The following CSMD1 variants were observed in gnomAD, a reference collection of about 807,000 sequenced individuals.
The protein encoded by CSMD1 is CUB and sushi domain-containing protein 1.
CSMD1 carries 213 observed loss-of-function variants against 417.5 expected under a neutral mutation model. The observed-to-expected ratio is 0.51, with a 90% CI of 0.46 to 0.57. The LOEUF is 0.57. CSMD1 is among the 20% of genes least tolerant of loss of function. CSMD1 has a pLI of 0.00. For synonymous variants in CSMD1, 2,862 were observed against 1,736.8 expected, an observed-to-expected ratio of 1.65 and a Z score of -16.11; for missense variants, 6,923 against 4,529.7, an observed-to-expected ratio of 1.53 and a Z score of -15.17.
chr8:4,304,329 T>C (rs745982899), intron 3 of CSMD1, among the ~76,000 whole-genome samples: 8 of 152,200 alleles, frequency 5.3e-5, no homozygotes, highest in Admixed American at 2.6e-4. Flanking sequence ...ATTTTGTATG[T>C]CAAACTGATG....
Position 4,868,590 on chromosome 8 carries a change from G to A in CSMD1, c.85+125742C>T, listed in dbSNP as rs188478859. ...ATTAAAAAACCAATCATTTTCATTC[G>A]TCTAAATTGAGGCATAATGAACAAG... On this transcript the variant is annotated intron_variant, in intron 1 of 69. Coordinates refer to ENST00000635120, the MANE Select transcript of CSMD1 (RefSeq NM_033225.6). Among the ~76,000 whole-genome samples, 147 of 152,010 alleles carry A rather than the reference G, an allele frequency of 9.7e-4. 1 individual carries two copies. Among genetic ancestry groups the A allele is most frequent in the Admixed American group, 6.3e-3 (96 of 15,268 alleles).
At chr8:3,329,822 T>A (rs1295909387) in intron 23 of CSMD1, among the ~76,000 whole-genome samples, 1 of 152,212 alleles carries the variant, frequency 6.6e-6, no homozygotes, top group East Asian at 1.9e-4. Context: ...TGCTAGGGGC[T>A]AACTTACTTG....
At chr8:4,351,210 C>A (rs184315990) in intron 3 of CSMD1, among the ~76,000 whole-genome samples, 1 of 151,924 alleles carries the variant, frequency 6.6e-6, no homozygotes, top group Non-Finnish European at 1.5e-5. Flanking sequence ...ATAAAATGTA[C>A]CAAGTTTCAC....
chr8:3,051,508 T>C (rs552391324), intron 50 of CSMD1, among the ~76,000 whole-genome samples: 45 of 152,302 alleles, frequency 3.0e-4, no homozygotes, highest in Admixed American at 9.2e-4. Flanking sequence ...GGTTATTACC[T>C]GGCTGAGGAA....
At chr8:4,138,291 G>A (rs987083842) in intron 3 of CSMD1, among the ~76,000 whole-genome samples, 2 of 149,802 alleles carry the variant, frequency 1.3e-5, no homozygotes, top group African/African-American at 4.9e-5. Flanking sequence ...GCAAGATGCA[G>A]GTTTCAGAAT....
At chr8:3,440,142 T>C (rs1203256909) in intron 12 of CSMD1, among the ~76,000 whole-genome samples, 1 of 152,230 alleles carries the variant, frequency 6.6e-6, no homozygotes, top group African/African-American at 2.4e-5. Flanking sequence ...CCAGTTCCTC[T>C]ACATTTTCAT....
intron 9 of CSMD1, 102 bp from the exon 10 acceptor site, chr8:3,575,168 A>C: frequency 4.0e-6 from 4 of 1,006,934 alleles, no homozygotes; most frequent in Admixed American, 4.2e-5. Context: ...ATCTAATCAC[A>C]GTAAAAAAAA....
intron 7 of CSMD1, among the ~76,000 whole-genome samples, chr8:3,696,051 G>C (rs184218712): frequency 1.6e-4 from 25 of 152,148 alleles, no homozygotes; most frequent in Middle Eastern, 3.4e-3. Context: ...GCAAAAAAAA[G>C]CTGTTAAGAT....
At chr8:4,893,072 C>G (rs1292151837) in intron 1 of CSMD1, among the ~76,000 whole-genome samples, 1 of 152,096 alleles carries the variant, frequency 6.6e-6, no homozygotes, top group Non-Finnish European at 1.5e-5. Context: ...TGTCGATTAT[C>G]CCCTCCAGGG....
At chr8:4,757,954 T>A (rs1421146602) in intron 1 of CSMD1, among the ~76,000 whole-genome samples, 4 of 135,808 alleles carry the variant, frequency 2.9e-5, no homozygotes. Flanking sequence ...AGAGAGACTT[T>A]GTCTCAAAAA....
intron 1 of CSMD1, among the ~76,000 whole-genome samples, chr8:4,700,333 T>C (rs1363139237): frequency 2.0e-5 from 3 of 152,074 alleles, no homozygotes; most frequent in Admixed American, 1.3e-4. Context: ...ATCATTAATC[T>C]ATTATTTATA....
chr8:3,081,701 A>G (rs1814112275), intron 49 of CSMD1, among the ~76,000 whole-genome samples: 1 of 152,216 alleles, frequency 6.6e-6, no homozygotes, highest in Non-Finnish European at 1.5e-5. Context: ...AGAGCTGCCT[A>G]GTTTGAAATT....
At chr8:3,956,550 T>C (rs1053575768) in intron 5 of CSMD1, among the ~76,000 whole-genome samples, 1 of 152,222 alleles carries the variant, frequency 6.6e-6, no homozygotes, top group Non-Finnish European at 1.5e-5. Flanking sequence ...CTACTTTTTA[T>C]CAAATACTTA....
intron 12 of CSMD1, among the ~76,000 whole-genome samples, chr8:3,451,042 G>C (rs992902073): frequency 6.6e-6 from 1 of 152,186 alleles, no homozygotes. Flanking sequence ...TTGTGGTTTT[G>C]ATTTGCATTT....
intron 7 of CSMD1, among the ~76,000 whole-genome samples, chr8:3,702,762 G>A (rs1015109084): frequency 7.2e-5 from 11 of 152,208 alleles, no homozygotes; most frequent in African/African-American, 2.7e-4. Flanking sequence ...AACCTGGGAG[G>A]TGCAGGTTGC....
intron 6 of CSMD1, among the ~76,000 whole-genome samples, chr8:3,710,118 C>G: frequency 7.4e-6 from 1 of 134,470 alleles, no homozygotes; most frequent in South Asian, 2.7e-4. Flanking sequence ...CATGACACAC[C>G]TTTTTGGATT....
At chr8:3,039,969 G>T (rs896324717) in intron 50 of CSMD1, among the ~76,000 whole-genome samples, 3 of 152,136 alleles carry the variant, frequency 2.0e-5, no homozygotes, top group Admixed American at 2.0e-4. Flanking sequence ...TAAAAGAAGG[G>T]TAGTTTCCAA....
intron 2 of CSMD1, among the ~76,000 whole-genome samples, chr8:4,466,997 C>A (rs1222016352): frequency 2.0e-5 from 3 of 151,830 alleles, no homozygotes; most frequent in Non-Finnish European, 2.9e-5. Flanking sequence ...TGGGAGCTTT[C>A]TCAACATAGC....
intron 5 of CSMD1, among the ~76,000 whole-genome samples, chr8:3,852,183 G>A (rs1442559848): frequency 9.9e-5 from 15 of 152,098 alleles, no homozygotes; most frequent in Admixed American, 6.5e-4. Flanking sequence ...GTGGAAGTAC[G>A]GAGAGTATGT....
Sources: gnomAD v4.1 joint callset for allele counts (sites outside exome capture counted in the v4.1 genomes callset) on GRCh38, gnomAD v4.1.1 for gene constraint, MANE v1.5 for transcripts, NCBI Gene and HGNC (gene_info 2026-07-23, HGNC 2026-07-21) for gene names.